LONP2: variants seen among roughly 807,000 people sequenced by gnomAD.
LONP2 encodes the protein lon peptidase 2, peroxisomal, also known as lon protease homolog 2, peroxisomal.
LONP2 carries 60 observed loss-of-function variants against 85.6 expected under a neutral mutation model. The ratio of observed to expected loss-of-function variants is 0.70; its 90% CI spans 0.57 to 0.87. The LOEUF (loss-of-function observed/expected upper bound fraction) is 0.87, where lower values mean the gene tolerates loss of function less well. Ranked by LOEUF, LONP2 falls within the 40% of genes least tolerant of loss-of-function variation. The pLI, the probability that LONP2 is intolerant of heterozygous loss-of-function variation, is 0.00. For synonymous variants in LONP2, 395 were observed against 389.7 expected (o/e 1.01, Z -0.16); for missense variants, 860 against 1,063.5 (o/e 0.81, Z 2.66).
intron 7 of LONP2, among the ~76,000 whole-genome samples, chr16:48,274,259 T>C (rs1972160374): frequency 6.6e-6 from 1 of 152,180 alleles, no homozygotes; most frequent in Non-Finnish European, 1.5e-5. Context: ...GCCTCTGGCA[T>C]TTCTACCATA....
chr16:48,254,758 T>TG (rs1424804607), intron 2 of LONP2, among the ~76,000 whole-genome samples: 2 of 152,246 alleles, frequency 1.3e-5, no homozygotes, highest in Non-Finnish European at 2.9e-5. Flanking sequence ...TATTGAAATG[T>TG]ATCTTATAGG....
Position 48,356,643 on chromosome 16 carries a change from TAAAAAAC to T in LONP2, c.*4847_*4853del, listed in dbSNP as rs1960372333. 5.6e-6 allele frequency: 2 copies of T among 356,466 alleles called. No individual in the cohort carries two copies. The highest frequency in any genetic ancestry group is 2.2e-5 in the South Asian group (1 of 45,392). 22.1% of individuals were successfully genotyped at this position (356,466 alleles called of 1,614,324 possible). On this transcript the variant is annotated 3_prime_UTR_variant, in exon 15 of 15. Coordinates refer to ENST00000285737, the MANE Select transcript of LONP2 (RefSeq NM_031490.5). The stretch of plus-strand genomic sequence containing the variant: ...TGGATACCACAATGAAAACTGCACT[TAAAAAAC>T]AAAAATGCTGAAAGAGGAAGGAAAT...
chr16:48,261,130 A>G lies in LONP2; in HGVS notation c.724-294A>G, dbSNP rs368393938. Among the ~76,000 whole-genome samples the G allele has an allele frequency of 3.3e-5, 5 of 152,288 alleles. No homozygotes were observed. The East Asian group carries it at 7.7e-4, about 24-fold the overall frequency. The stretch of plus-strand genomic sequence containing the variant: ...TAGCTCAAAGAAAGGTAATTCCTAG[A>G]TGGTTTAATTATTTCTAGTATCCAG... On this transcript the variant is annotated intron_variant, in intron 4 of 14. Coordinates refer to ENST00000285737, the MANE Select transcript of LONP2 (RefSeq NM_031490.5).
intron 11 of LONP2, 67 bp downstream of exon 11, chr16:48,303,372 T>C: frequency 1.9e-6 from 3 of 1,587,754 alleles, no homozygotes; most frequent in Middle Eastern, 3.3e-4. Flanking sequence ...GAAGGTTGGG[T>C]ATGGAGGGGA....
chr16:48,289,255 C>T (rs1361801527), intron 8 of LONP2, among the ~76,000 whole-genome samples: 3 of 152,100 alleles, frequency 2.0e-5, no homozygotes, highest in East Asian at 1.9e-4. Flanking sequence ...GAGGTCCTGA[C>T]GACACGTGCC....
At chr16:48,274,676 A>G (rs1972170364) in intron 7 of LONP2, among the ~76,000 whole-genome samples, 1 of 151,686 alleles carries the variant, frequency 6.6e-6, no homozygotes, top group African/African-American at 2.4e-5. Context: ...CCACACCCAC[A>G]CCCACACATC....
chr16:48,272,871 G>GGGTTCA (rs1414155133), intron 7 of LONP2, among the ~76,000 whole-genome samples: 1 of 151,912 alleles, frequency 6.6e-6, no homozygotes, highest in East Asian at 1.9e-4. Context: ...GAGAGTAGTG[G>GGGTTCA]GGTTCAGTTG....
chr16:48,258,163 G>A (rs1278226343), intron 3 of LONP2, among the ~76,000 whole-genome samples: 1 of 151,970 alleles, frequency 6.6e-6, no homozygotes, highest in African/African-American at 2.4e-5. Flanking sequence ...CTGGCTAACA[G>A]AGTGAAACCC....
intron 12 of LONP2, among the ~76,000 whole-genome samples, chr16:48,346,215 TGA>T (rs1256304867): frequency 6.6e-6 from 1 of 152,122 alleles, no homozygotes; most frequent in Non-Finnish European, 1.5e-5. Flanking sequence ...TGTTCCTTAG[TGA>T]GACGGTCAAC....
chr16:48,286,389 C>T (rs898330988), intron 8 of LONP2, among the ~76,000 whole-genome samples: 18 of 152,170 alleles, frequency 1.2e-4, no homozygotes, highest in Non-Finnish European at 2.2e-4. Context: ...GATCTGCCCG[C>T]CTTGGCCTCC....
rs977781261 is a variant in LONP2, at chr16:48,356,097, A to G, written c.*4295A>G. On this transcript the variant is annotated 3_prime_UTR_variant, in exon 15 of 15. Transcript: ENST00000285737. ...TTACTTGCTTGGTGGTTACAAATGCAAATACAGTGAAGAATGTCATCTTTG... is the reference window on the plus strand; with the variant it reads ...TTACTTGCTTGGTGGTTACAAATGCGAATACAGTGAAGAATGTCATCTTTG... The G allele has an allele frequency of 1.3e-5, 2 of 152,172 alleles. No homozygotes were observed. Among genetic ancestry groups the G allele is most frequent in the Non-Finnish European group, 2.9e-5 (2 of 68,030 alleles). 9.4% of individuals were successfully genotyped at this position (152,172 alleles called of 1,614,324 possible).
intron 11 of LONP2, among the ~76,000 whole-genome samples, chr16:48,328,924 A>C (rs778525166): frequency 1.3e-5 from 2 of 152,002 alleles, no homozygotes; most frequent in Non-Finnish European, 2.9e-5. Context: ...ACCATTACCA[A>C]ATTCTCCCAG....
intron 9 of LONP2, among the ~76,000 whole-genome samples, chr16:48,299,353 G>A (rs1466878757): frequency 2.6e-5 from 4 of 152,004 alleles, no homozygotes; most frequent in African/African-American, 9.7e-5. Context: ...GGGAGGCTGA[G>A]GCTGGTGGAT....
chr16:48,345,666 A>C (rs768838449), intron 12 of LONP2: 1 of 152,248 alleles, frequency 6.6e-6, no homozygotes, highest in African/African-American at 2.4e-5. Flanking sequence ...TGTCAGCTTG[A>C]TGCTGGAGTT....
chr16:48,328,255 C>G (rs1959311857), intron 11 of LONP2, among the ~76,000 whole-genome samples: 1 of 152,016 alleles, frequency 6.6e-6, no homozygotes. Context: ...ACTAAAAATA[C>G]AAAAATTGGG....
Position 48,312,972 on chromosome 16 carries a change from C to T in LONP2, c.1795+9667C>T, listed in dbSNP as rs768498461. Among the ~76,000 whole-genome samples the T allele has an allele frequency of 3.3e-5, 5 of 152,208 alleles. No individual in the cohort carries two copies. The East Asian group carries it at 9.7e-4, about 29-fold the overall frequency. ...GGACCAGCCAAGCTCATGTTTGAGC[C>T]CCCTGAATGGGTACTTAGGGCCTGG... On this transcript the variant is annotated intron_variant, in intron 11 of 14. Coordinates refer to ENST00000285737, the MANE Select transcript of LONP2 (RefSeq NM_031490.5).
chr16:48,342,920 A>C (rs775489222), intron 12 of LONP2, among the ~76,000 whole-genome samples: 2 of 152,174 alleles, frequency 1.3e-5, no homozygotes, highest in Non-Finnish European at 1.5e-5. Flanking sequence ...TCTGTGTCTC[A>C]TGTGGCACCG....
At chr16:48,281,837 A>T (rs1287344330) in intron 8 of LONP2, among the ~76,000 whole-genome samples, 1 of 152,230 alleles carries the variant, frequency 6.6e-6, no homozygotes, top group Non-Finnish European at 1.5e-5. Context: ...CTACTTAGAT[A>T]CAGTAGACAT....
rs191984430 is a variant in LONP2, at chr16:48,285,221, G to A, written c.1383+7742G>A. 2.7e-3 allele frequency among the ~76,000 whole-genome samples: 411 copies of A among 151,574 alleles called. 1 individual carries two copies. Among genetic ancestry groups the A allele is most frequent in the African/African-American group, 9.8e-3 (405 of 41,312 alleles). ...TGAAGCCAGCTGTTAAGCTTGTGGC[G>A]GATCTCTTATGCCTAATGAGGGCAG... On this transcript the variant is annotated intron_variant, in intron 8 of 14. Transcript: ENST00000285737.
Sources: gnomAD v4.1 joint callset for allele counts (sites outside exome capture counted in the v4.1 genomes callset) on GRCh38, gnomAD v4.1.1 for gene constraint, MANE v1.5 for transcripts, NCBI Gene and HGNC (gene_info 2026-07-23, HGNC 2026-07-21) for gene names.